The following HYOU1 variants were observed in gnomAD, a reference collection of about 807,000 sequenced individuals.
HYOU1 encodes hypoxia up-regulated protein 1.
HYOU1 carries 40 observed loss-of-function variants against 120.5 expected under a neutral mutation model. The observed-to-expected ratio is 0.33, with a 90% CI of 0.26 to 0.43. The LOEUF is 0.43. HYOU1 is among the 20% of genes least tolerant of loss of function. The pLI is 1.00. For missense variants in HYOU1, 1,085 were observed against 1,278.3 expected (o/e 0.85, Z 2.31); for synonymous variants, 501 against 479.4 (o/e 1.05, Z -0.59).
chr11:119,046,521 C>A (rs781992769), intron 23 of HYOU1, 41 bp downstream of exon 23: 1 of 1,614,144 alleles, frequency 6.2e-7, no homozygotes, highest in South Asian at 1.1e-5. Flanking sequence ...GAGGCTGTCT[C>A]CCTGTCCAGC....
Position 119,055,827 on chromosome 11 carries a change from C to G in HYOU1, c.108G>C (p.Met36Ile). 1 of 1,614,068 alleles carries G rather than the reference C, an allele frequency of 6.2e-7. No homozygotes were observed. Among genetic ancestry groups the G allele is most frequent in the Non-Finnish European group, 8.5e-7 (1 of 1,179,878 alleles). ...LLALSDTLAVMSVDLGSESMK... is the reference protein window; with the variant it reads ...LLALSDTLAVISVDLGSESMK... ...TGGACTCACTGCCCAGGTCCACAGACATCACTGCCAGTGTATCTGAAGGGA... is the reference window on the plus strand; with the variant it reads ...TGGACTCACTGCCCAGGTCCACAGAGATCACTGCCAGTGTATCTGAAGGGA... Residue 36 changes from methionine (M) to isoleucine (I), a missense_variant, in exon 3 of 26, where the codon ATG becomes ATC. Physicochemically the swap from Met to Ile is conservative, Grantham distance 10 (BLOSUM62 1). Around this residue, in one of 4 missense-constraint regions of HYOU1, gnomAD observed 45 missense variants for 49.2 expected, o/e 0.91. Coordinates refer to ENST00000617285, the MANE Select transcript of HYOU1 (RefSeq NM_006389.5). This position sits in a 1 kb window ranked among gnomAD's most constrained non-coding sequence, Gnocchi z 4.0.
In HYOU1 at chr11:119,056,178, C is replaced by T. The variant is rs1468235859; in HGVS notation, c.-7-11G>A. The T allele has an allele frequency of 2.5e-6, 4 of 1,600,812 alleles. No individual in the cohort carries two copies. In the African/African-American group the frequency reaches 5.4e-5, roughly 21 times the overall value. The stretch of plus-strand genomic sequence containing the variant: ...TCTGCCATAGTGCCCCTGGGGGAGG[C>T]GAAGAAAGAAAACACTTAAAACTGG... On this transcript the variant is annotated splice_polypyrimidine_tract_variant and intron_variant, in intron 1 of 25. Transcript: ENST00000617285.
chr11:119,044,970 G>C lies in HYOU1; in HGVS notation c.*623C>G. On this transcript the variant is annotated 3_prime_UTR_variant, in exon 26 of 26. Coordinates refer to ENST00000617285, the MANE Select transcript of HYOU1 (RefSeq NM_006389.5). ...TTACTTCCGCCAATCCAGAGGTACA[G>C]GCTTTTAGGCAAGGGGCAGAGAACT... The C allele has an allele frequency of 2.7e-6, 1 of 375,640 alleles. No homozygotes were observed. The highest frequency in any genetic ancestry group is 1.9e-5 in the South Asian group (1 of 53,210). 23.3% of individuals were successfully genotyped at this position (375,640 alleles called of 1,614,324 possible).
intron 1 of HYOU1, chr11:119,056,666 G>GTTTTTT: frequency 3.3e-6 from 1 of 302,906 alleles, no homozygotes; most frequent in South Asian, 2.8e-5. Flanking sequence ...CTCCTCCTCG[G>GTTTTTT]CATCCCTGCG....
rs1565715456 is a variant in HYOU1 at position 119,051,706 on chromosome 11, G to C, written c.1339-81C>G. ...TCTGGGGTAAGGATGGGGGTGGGATGGGGGAGACCTCTTAGCAGAAAGACA... is the reference window on the plus strand; with the variant it reads ...TCTGGGGTAAGGATGGGGGTGGGATCGGGGAGACCTCTTAGCAGAAAGACA... On this transcript the variant is annotated intron_variant, in intron 12 of 25. Transcript: ENST00000617285. The surrounding 1 kb of genome is among the most constrained non-coding windows in gnomAD (Gnocchi z 4.2). The C allele has an allele frequency of 1.3e-6, 2 of 1,592,066 alleles. No individual in the cohort carries two copies. Among genetic ancestry groups the C allele is most frequent in the African/African-American group, 1.3e-5 (1 of 74,398 alleles).
chr11:119,054,462 C>T, intron 7 of HYOU1, 32 bp downstream of exon 7: 1 of 1,608,000 alleles, frequency 6.2e-7, no homozygotes, highest in Admixed American at 1.7e-5. Context: ...TTCAGTCACC[C>T]TGCATGTCTG....
Position 119,048,365 on chromosome 11 carries a change from C to T in HYOU1, c.2259G>A (p.Lys753=), listed in dbSNP as rs2133563268. The T allele has an allele frequency of 6.2e-7, 1 of 1,609,562 alleles. No homozygotes were observed. Among genetic ancestry groups the T allele is most frequent in the Admixed American group, 1.7e-5 (1 of 60,008 alleles). The change falls in exon 20 of 26, where the codon AAG becomes AAA. Residue 753 remains lysine, a synonymous_variant. Coordinates refer to ENST00000617285, the MANE Select transcript of HYOU1 (RefSeq NM_006389.5). The surrounding 1 kb of genome is among the most constrained non-coding windows in gnomAD (Gnocchi z 4.7). ...CTTCCTGGTACTCGGGCTGGTACAG[C>T]TTGTCCTGGGGAGGGGGACATGTAA... The part of the protein sequence containing the change: ...LEAFIFETQD[K]LYQPEYQEVS...
rs2133565517 is a variant in HYOU1, at chr11:119,048,579, G to T, written c.2166-16C>A. On this transcript the variant is annotated splice_polypyrimidine_tract_variant and intron_variant, in intron 18 of 25. Coordinates refer to ENST00000617285, the MANE Select transcript of HYOU1 (RefSeq NM_006389.5). The surrounding 1 kb of genome is among the most constrained non-coding windows in gnomAD (Gnocchi z 4.7). ...GTCCTGAAGTCTATGGGACAAAGGA[G>T]GGGTAGGGATGAGGGAGAGGGCAAG... 4.3e-6 allele frequency: 7 copies of T among 1,613,298 alleles called. No homozygotes were observed. The Admixed American group carries it at 5.0e-5, about 12-fold the overall frequency.
chr11:119,052,004 C>G lies in HYOU1; in HGVS notation c.1206-53G>C. The G allele has an allele frequency of 6.2e-7, 1 of 1,612,908 alleles. No homozygotes were observed. The highest frequency in any genetic ancestry group is 1.1e-5 in the South Asian group (1 of 91,064). ...TCTACCCTGGAGCATGCAACCGGGA[C>G]TTCCCTCCCCTCAGCCCTCCAGCTG... On this transcript the variant is annotated intron_variant, in intron 11 of 25. Transcript: ENST00000617285. The surrounding 1 kb of genome is among the most constrained non-coding windows in gnomAD (Gnocchi z 5.0).
chr11:119,053,936 A>C (rs1331038756), intron 8 of HYOU1, 185 bp downstream of exon 8: 1 of 515,834 alleles, frequency 1.9e-6, no homozygotes, highest in East Asian at 3.2e-5. Context: ...GTTTTCCCAA[A>C]CTGTCCTCCC....
At position 119,052,573 on chromosome 11, in the gene HYOU1, G is replaced by C; in HGVS notation, c.987+64C>G. 6.4e-7 allele frequency: 1 copy of C among 1,572,310 alleles called. No homozygotes were observed. Among genetic ancestry groups the C allele is most frequent in the Non-Finnish European group, 8.7e-7 (1 of 1,154,498 alleles). Reference sequence around the variant, plus strand: ...TGCCAGGCACGAGCAGCCCAGTTCAGTGGCAGGGTCCCCCACCCTCTACGT... The same window carrying C: ...TGCCAGGCACGAGCAGCCCAGTTCACTGGCAGGGTCCCCCACCCTCTACGT... On this transcript the variant is annotated intron_variant, in intron 9 of 25. Coordinates refer to ENST00000617285, the MANE Select transcript of HYOU1 (RefSeq NM_006389.5). The surrounding 1 kb of genome is among the most constrained non-coding windows in gnomAD (Gnocchi z 5.0).
Position 119,045,950 on chromosome 11 carries a change from T to G in HYOU1, c.2888-119A>C, listed in dbSNP as rs2133546429. 111 of 959,934 alleles carry G rather than the reference T, an allele frequency of 1.2e-4. No individual in the cohort carries two copies. The African/African-American group carries it at 1.7e-3, about 14-fold the overall frequency. 59.5% of individuals were successfully genotyped at this position (959,934 alleles called of 1,614,324 possible). The stretch of plus-strand genomic sequence containing the variant: ...ATATTTTAGGATGCATGTACCACAT[T>G]TGGTCTCTTTGCCTACTCTGTTTTT... On this transcript the variant is annotated intron_variant, in intron 24 of 25. Transcript: ENST00000617285.
chr11:119,050,901 T>C, intron 14 of HYOU1, 134 bp downstream of exon 14: 1 of 983,368 alleles, frequency 1.0e-6, no homozygotes, highest in Non-Finnish European at 1.5e-6. Context: ...GTTAGCTCTG[T>C]TCAGAGCCAA....
Position 119,052,700 on chromosome 11 carries a change from C to T in HYOU1, c.924G>A (p.Lys308=). Residue 308 remains lysine (K), a synonymous_variant, in exon 9 of 26, where the codon AAG becomes AAA. Coordinates refer to ENST00000617285, the MANE Select transcript of HYOU1 (RefSeq NM_006389.5). This position sits in a 1 kb window ranked among gnomAD's most constrained non-coding sequence, Gnocchi z 5.0. ...DVRENPRAMA[K]LLREANRLKT... is the part of the protein sequence containing the mutation. ...TGAGCCGATTAGCCTCACGCAGCAG[C>T]TTGGCCATGGCACGCGGGTTCTCCC... The T allele has an allele frequency of 1.2e-6, 2 of 1,614,246 alleles. No individual in the cohort carries two copies. Among genetic ancestry groups the T allele is most frequent in the Non-Finnish European group, 8.5e-7 (1 of 1,180,048 alleles).
chr11:119,050,390 G>A (rs1300090041), intron 14 of HYOU1, among the ~76,000 whole-genome samples: 2 of 152,006 alleles, frequency 1.3e-5, no homozygotes, highest in African/African-American at 2.4e-5. Context: ...GGACAACAGA[G>A]CAAGACTCTG....
chr11:119,054,107 A>C lies in HYOU1; in HGVS notation c.794+14T>G. 1 of 1,554,610 alleles carries C rather than the reference A, an allele frequency of 6.4e-7. No homozygotes were observed. The highest frequency in any genetic ancestry group is 8.9e-7 in the Non-Finnish European group (1 of 1,126,534). ...GTCTTCACAAGCAGCCCTCCCTGCC[A>C]AGTATCCACTTACCCTACTCCCCGG... On this transcript the variant is annotated intron_variant, in intron 8 of 25. Coordinates refer to ENST00000617285, the MANE Select transcript of HYOU1 (RefSeq NM_006389.5).
chr11:119,049,690 T>C, intron 15 of HYOU1, 55 bp from the exon 16 acceptor site: 1 of 1,609,884 alleles, frequency 6.2e-7, no homozygotes, highest in Non-Finnish European at 8.5e-7. Flanking sequence ...TGACTCCACC[T>C]TCTAACCCAA....
chr11:119,052,664 G>A lies in HYOU1; in HGVS notation c.960C>T (p.Leu320=). The A allele has an allele frequency of 6.2e-7, 1 of 1,613,992 alleles. No homozygotes were observed. The highest frequency in any genetic ancestry group is 1.1e-5 in the South Asian group (1 of 91,054). Residue 320 remains leucine, a synonymous_variant, in exon 9 of 26, where the codon CTC becomes CTT. Transcript: ENST00000617285. The surrounding 1 kb of genome is among the most constrained non-coding windows in gnomAD (Gnocchi z 5.0). Reference sequence around the variant, plus strand: ...GTGCCATGTGGTCAGCGTTGGCACTGAGGACGGTTTTGAGCCGATTAGCCT... The same window carrying A: ...GTGCCATGTGGTCAGCGTTGGCACTAAGGACGGTTTTGAGCCGATTAGCCT... ...LREANRLKTV[L]SANADHMAQI...
At position 119,046,520 on chromosome 11, in the gene HYOU1, T is replaced by G; in HGVS notation, c.2836+42A>C. On this transcript the variant is annotated intron_variant, in intron 23 of 25. Coordinates refer to ENST00000617285, the MANE Select transcript of HYOU1 (RefSeq NM_006389.5). ...GCCTCAGGAAGGAAAGGAGGCTGTC[T>G]CCCTGTCCAGCAGAACATGCAGCCA... The G allele has an allele frequency of 2.5e-6, 4 of 1,614,088 alleles. 1 individual carries two copies. In the South Asian group the frequency reaches 4.4e-5, roughly 18 times the overall value.
Sources: allele counts gnomAD v4.1 joint callset (sites outside exome capture counted in the v4.1 genomes callset), GRCh38; gene constraint gnomAD v4.1.1; regional missense constraint gnomAD v4.1.1; non-coding constraint Gnocchi (gnomAD v3.1); transcripts MANE v1.5; gene names NCBI Gene and HGNC (gene_info 2026-07-23, HGNC 2026-07-21).